CDK1: variants seen among roughly 807,000 people sequenced by gnomAD.
CDK1 encodes cyclin dependent kinase 1.
A neutral mutation model predicts 34.6 loss-of-function variants in CDK1; 5 were observed. The ratio of observed to expected loss-of-function variants is 0.14; its 90% CI spans 0.08 to 0.30. The LOEUF (loss-of-function observed/expected upper bound fraction) is 0.30. Among genes scored for constraint, CDK1 ranks in the 10% least tolerant of loss-of-function variants. The pLI is 1.00. For synonymous variants in CDK1, 108 were observed against 114.7 expected (o/e 0.94, Z 0.37); for missense variants, 157 against 345.7 (o/e 0.45, Z 4.33).
intron 4 of CDK1, chr10:60,786,135 A>G: frequency 2.1e-6 from 2 of 954,606 alleles, no homozygotes; most frequent in Non-Finnish European, 2.5e-6. Context: ...CCAGTTTTGA[A>G]CATGTTTTGG....
intron 7 of CDK1, among the ~76,000 whole-genome samples, chr10:60,793,406 T>C (rs2080374909): frequency 6.6e-6 from 1 of 152,122 alleles, no homozygotes; most frequent in Non-Finnish European, 1.5e-5. Context: ...CTATAATTCA[T>C]TTAGTGACTC....
intron 1 of CDK1, among the ~76,000 whole-genome samples, chr10:60,778,997 G>A (rs1358067564): frequency 6.6e-6 from 1 of 152,210 alleles, no homozygotes; most frequent in Non-Finnish European, 1.5e-5. Flanking sequence ...GGGAAAGTGG[G>A]ACCGCACCTG....
chr10:60,779,116 G>T (rs1442510451), intron 1 of CDK1, among the ~76,000 whole-genome samples: 1 of 152,030 alleles, frequency 6.6e-6, no homozygotes. Context: ...CCCACCTGGA[G>T]CTGTTAAGAA....
In CDK1 at chr10:60,793,610, C is replaced by A. The variant is rs370558445; in HGVS notation, c.796-267C>A. Among the ~76,000 whole-genome samples the A allele has an allele frequency of 1.4e-3, 207 of 152,068 alleles. 3 individuals are homozygous for A. In the South Asian group the frequency reaches 0.042, roughly 31 times the overall value. ...TTGTGTCTCAGTTTTAAAGCTATTT[C>A]TGGATGCTTGAGTCTTACCGTAATT... On this transcript the variant is annotated intron_variant, in intron 7 of 7. Transcript: ENST00000395284.
rs373485880 is a variant in CDK1 at position 60,785,766 on chromosome 10, C to T, written c.297C>T (p.Tyr99=). Residue 99 remains tyrosine (Y), a synonymous_variant, in exon 4 of 8, where the codon TAC becomes TAT. Coordinates refer to ENST00000395284, the MANE Select transcript of CDK1 (RefSeq NM_001786.5). ...KYLDSIPPGQ[Y]MDSSLVKSYL... is the part of the protein sequence containing the mutation. ...TGGATTCTATCCCTCCTGGTCAGTA[C>T]ATGGATTCTTCACTTGTTAAGGTAA... 2.1e-5 allele frequency: 34 copies of T among 1,596,198 alleles called. No individual in the cohort carries two copies. Among genetic ancestry groups the T allele is most frequent in the Middle Eastern group, 3.3e-4 (2 of 6,020 alleles).
intron 2 of CDK1, 26 bp downstream of exon 2, chr10:60,780,228 T>C (rs760099109): frequency 8.6e-7 from 1 of 1,156,702 alleles, no homozygotes; most frequent in East Asian, 2.3e-5. Context: ...AAAATAAATT[T>C]TATGGAATGA....
At chr10:60,782,619 C>T (rs2080282411) in intron 2 of CDK1, among the ~76,000 whole-genome samples, 1 of 152,054 alleles carries the variant, frequency 6.6e-6, no homozygotes, top group African/African-American at 2.4e-5. Flanking sequence ...TGATCATATC[C>T]TACATATTTT....
At chr10:60,790,617 A>G (rs902148251) in intron 5 of CDK1, among the ~76,000 whole-genome samples, 1 of 152,198 alleles carries the variant, frequency 6.6e-6, no homozygotes, top group East Asian at 1.9e-4. Context: ...GTCCAGATCA[A>G]TATCAATAAC....
intron 2 of CDK1, among the ~76,000 whole-genome samples, chr10:60,784,357 C>T (rs762947273): frequency 1.3e-5 from 2 of 152,126 alleles, no homozygotes; most frequent in Non-Finnish European, 2.9e-5. Flanking sequence ...TGACCAGGTG[C>T]GGTGGCTCAC....
chr10:60,786,433 A>G (rs889751901), intron 4 of CDK1: 5 of 690,210 alleles, frequency 7.2e-6, no homozygotes, highest in African/African-American at 1.9e-5. Context: ...ACCTATGTCT[A>G]TTTACATTTT....
chr10:60,784,167 A>G (rs1176755664), intron 2 of CDK1, among the ~76,000 whole-genome samples: 1 of 152,190 alleles, frequency 6.6e-6, no homozygotes, highest in Non-Finnish European at 1.5e-5. Context: ...GGTAATTTAG[A>G]TGTATAGAAA....
At chr10:60,779,583 G>A (rs2080254421) in intron 1 of CDK1, among the ~76,000 whole-genome samples, 1 of 152,158 alleles carries the variant, frequency 6.6e-6, no homozygotes, top group Non-Finnish European at 1.5e-5. Flanking sequence ...TGTGACCTCA[G>A]CAAGCAGAGG....
At position 60,793,863 on chromosome 10, in the gene CDK1, C is replaced by T. The variant is rs376266267; in HGVS notation, c.796-14C>T. The T allele has an allele frequency of 7.0e-7, 1 of 1,419,770 alleles. No homozygotes were observed. Among genetic ancestry groups the T allele is most frequent in the Admixed American group, 2.1e-5 (1 of 48,142 alleles). The allele number at this position is 1,419,770 out of a possible 1,614,324, so 87.9% of individuals were successfully genotyped here. On this transcript the variant is annotated splice_polypyrimidine_tract_variant and intron_variant, in intron 7 of 7. Transcript: ENST00000395284. The stretch of plus-strand genomic sequence containing the variant: ...ATTTCCTAAATAAATATCTCTTTTT[C>T]TTTTTTCTCCCAGAAAATGTTAATC...
intron 3 of CDK1, 122 bp downstream of exon 3, chr10:60,784,983 C>G: frequency 2.4e-6 from 2 of 818,050 alleles, no homozygotes; most frequent in Non-Finnish European, 3.9e-6. Flanking sequence ...GACTAGAACC[C>G]TATTTTTGGT....
chr10:60,781,134 A>C (rs2080269942), intron 2 of CDK1, among the ~76,000 whole-genome samples: 1 of 152,044 alleles, frequency 6.6e-6, no homozygotes, highest in Admixed American at 6.6e-5. Flanking sequence ...AAAATATGTG[A>C]TTAGTATGTC....
chr10:60,785,282 CA>C (rs2080306174), intron 3 of CDK1, among the ~76,000 whole-genome samples: 1 of 152,142 alleles, frequency 6.6e-6, no homozygotes, highest in African/African-American at 2.4e-5. Context: ...GTCTTCCTAA[CA>C]GTCCAAGTTA....
chr10:60,782,549 A>C (rs2080281901), intron 2 of CDK1, among the ~76,000 whole-genome samples: 1 of 152,186 alleles, frequency 6.6e-6, no homozygotes, highest in Non-Finnish European at 1.5e-5. Flanking sequence ...CCTGGCATTT[A>C]GTAGGCATTT....
intron 1 of CDK1, 135 bp downstream of exon 1, chr10:60,778,705 G>C (rs2080244706): frequency 6.5e-6 from 1 of 152,900 alleles, no homozygotes; most frequent in African/African-American, 2.4e-5. Flanking sequence ...GGGCCTCGGG[G>C]GGCGGTGGGC....
chr10:60,785,787 G>A lies in CDK1; in HGVS notation c.318G>A (p.Lys106=). The A allele has an allele frequency of 6.3e-7, 1 of 1,581,470 alleles. No individual in the cohort carries two copies. Residue 106 remains lysine (K), a splice_region_variant and synonymous_variant, in exon 4 of 8, where the codon AAG becomes AAA. Transcript: ENST00000395284. ...PGQYMDSSLV[K]SYLYQILQGI... The stretch of plus-strand genomic sequence containing the variant: ...AGTACATGGATTCTTCACTTGTTAA[G>A]GTAAAAGCTTAACTAATTTTATTAA...
Sources: allele counts gnomAD v4.1 joint callset (sites outside exome capture counted in the v4.1 genomes callset), GRCh38; gene constraint gnomAD v4.1.1; transcripts MANE v1.5; gene names NCBI Gene and HGNC (gene_info 2026-07-23, HGNC 2026-07-21).